Variants in SNX29 observed in about 807,000 individuals in gnomAD.
SNX29 encodes sorting nexin 29, also known as sorting nexin-29.
SNX29 carries 78 observed loss-of-function variants against 102.1 expected under a neutral mutation model. The observed-to-expected ratio is 0.76, with a 90% confidence interval of 0.64 to 0.92. SNX29 has a LOEUF of 0.92. Ranked by LOEUF, SNX29 falls within the 40% of genes least tolerant of loss-of-function variation. The probability of loss-of-function intolerance (pLI) is 0.00; values close to 1 mark genes in which losing one functional copy is unlikely to be tolerated. For missense variants in SNX29, 1,280 were observed against 1,061.7 expected, an observed-to-expected ratio of 1.21 and a Z score of -2.86; for synonymous variants, 580 against 414.5, an observed-to-expected ratio of 1.40 and a Z score of -4.85.
chr16:12,540,178 G>C (rs888011064), intron 20 of SNX29, among the ~76,000 whole-genome samples: 1 of 152,142 alleles, frequency 6.6e-6, no homozygotes, highest in Non-Finnish European at 1.5e-5. Context: ...CATTTTGAGT[G>C]GACTTTTGTG....
chr16:12,342,071 G>C (rs1160851886), intron 15 of SNX29, among the ~76,000 whole-genome samples: 2 of 152,200 alleles, frequency 1.3e-5, no homozygotes, highest in Admixed American at 6.5e-5. Context: ...GTCTTGTAAT[G>C]CTGACTGTTG....
chr16:12,158,776 C>A (rs1390398906), intron 13 of SNX29, among the ~76,000 whole-genome samples: 1 of 152,164 alleles, frequency 6.6e-6, no homozygotes, highest in African/African-American at 2.4e-5. Flanking sequence ...CAACTTTGAG[C>A]CTGTTTCCTT....
At chr16:12,443,160 T>G (rs1019357482) in intron 18 of SNX29, 1 of 392,836 alleles carries the variant, frequency 2.5e-6, no homozygotes, top group Admixed American at 3.2e-5. Context: ...CTGCGTGGGC[T>G]TTCTCTGTCA....
chr16:12,546,010 C>T (rs375463738), intron 20 of SNX29, among the ~76,000 whole-genome samples: 3 of 152,250 alleles, frequency 2.0e-5, no homozygotes, highest in East Asian at 3.9e-4. Flanking sequence ...ATGCCAAAAA[C>T]AGAAAACAAA....
At chr16:12,040,228 A>G (rs1364841264) in intron 4 of SNX29, among the ~76,000 whole-genome samples, 1 of 152,130 alleles carries the variant, frequency 6.6e-6, no homozygotes, top group Non-Finnish European at 1.5e-5. Flanking sequence ...AAAATTAAAA[A>G]GTTAGCTGGG....
In SNX29 at chr16:12,491,513, T is replaced by G. The variant is rs11866135; in HGVS notation, c.2178+13654T>G. Among the ~76,000 whole-genome samples, 163 of 127,832 alleles carry G rather than the reference T, an allele frequency of 1.3e-3. 3 individuals carry two copies. In the East Asian group the frequency reaches 0.023, roughly 18 times the overall value. The allele number at this position is 127,832 out of a possible 152,430, so 83.9% of individuals were successfully genotyped here. On this transcript the variant is annotated intron_variant, in intron 19 of 20. Coordinates refer to ENST00000566228, the MANE Select transcript of SNX29 (RefSeq NM_032167.5). Reference sequence around the variant, plus strand: ...ATCTCATTTTGTTGCTGCTGTTGTTTTTTTTTATGTGACTTATTTTTTTTT... The same window carrying G: ...ATCTCATTTTGTTGCTGCTGTTGTTGTTTTTTATGTGACTTATTTTTTTTT...
intron 13 of SNX29, among the ~76,000 whole-genome samples, chr16:12,175,692 C>A (rs571088339): frequency 6.6e-6 from 1 of 151,404 alleles, no homozygotes; most frequent in Non-Finnish European, 1.5e-5. Context: ...ACGATAGGAC[C>A]GATACCCTTA....
intron 13 of SNX29, among the ~76,000 whole-genome samples, chr16:12,155,436 C>T (rs1397859364): frequency 1.3e-5 from 2 of 152,084 alleles, no homozygotes; most frequent in African/African-American, 4.8e-5. Flanking sequence ...GAGCCAGGGA[C>T]ATGGTCATTA....
At chr16:12,100,944 C>A (rs1232594001) in intron 11 of SNX29, among the ~76,000 whole-genome samples, 2 of 152,098 alleles carry the variant, frequency 1.3e-5, no homozygotes, top group Non-Finnish European at 2.9e-5. Context: ...AGGAGGATGA[C>A]CTTTGGGTTT....
intron 15 of SNX29, among the ~76,000 whole-genome samples, chr16:12,349,842 G>A (rs1404565242): frequency 1.3e-5 from 2 of 151,978 alleles, no homozygotes; most frequent in African/African-American, 4.8e-5. Context: ...TTCAGACACA[G>A]CACTTATAGG....
rs374807311 is a variant in SNX29, at chr16:12,251,462, G to A, written c.1679-26471G>A. Among the ~76,000 whole-genome samples the A allele has an allele frequency of 1.4e-4, 22 of 152,266 alleles. 1 individual carries two copies. In the East Asian group the frequency reaches 2.5e-3, roughly 17 times the overall value. On this transcript the variant is annotated intron_variant, in intron 14 of 20. Transcript: ENST00000566228. ...TCATGCCTGTAATCCCAACACTTTG[G>A]GGGGCCAAGGTGGGTGGATCACCTG...
chr16:12,189,197 A>T (rs567568314), intron 13 of SNX29, among the ~76,000 whole-genome samples: 1 of 152,246 alleles, frequency 6.6e-6, no homozygotes, highest in Non-Finnish European at 1.5e-5. Context: ...ACAATATAAC[A>T]ATCAGAATTA....
chr16:12,243,919 T>C (rs1016990314), intron 14 of SNX29, among the ~76,000 whole-genome samples: 1 of 152,244 alleles, frequency 6.6e-6, no homozygotes, highest in East Asian at 1.9e-4. Context: ...TCAAATGTCA[T>C]GGAGTCCTTT....
intron 13 of SNX29, among the ~76,000 whole-genome samples, chr16:12,177,666 A>G (rs1001273836): frequency 6.6e-6 from 1 of 152,170 alleles, no homozygotes; most frequent in Admixed American, 6.5e-5. Flanking sequence ...CCACCCACCT[A>G]TGCAATTCAG....
intron 14 of SNX29, among the ~76,000 whole-genome samples, chr16:12,247,911 G>A (rs547082497): frequency 5.1e-4 from 77 of 152,272 alleles, no homozygotes; most frequent in African/African-American, 1.6e-3. Flanking sequence ...AAGATAATGC[G>A]TGGTGTGTTG....
intron 11 of SNX29, among the ~76,000 whole-genome samples, chr16:12,109,826 G>C (rs1035012715): frequency 1.3e-5 from 2 of 152,078 alleles, no homozygotes; most frequent in Admixed American, 1.3e-4. Flanking sequence ...CGCCTCACAG[G>C]TTCAAGCAGT....
intron 14 of SNX29, among the ~76,000 whole-genome samples, chr16:12,216,308 G>GAGC (rs1261118800): frequency 1.3e-5 from 2 of 152,198 alleles, no homozygotes; most frequent in African/African-American, 4.8e-5. Flanking sequence ...TCTGCCTGAA[G>GAGC]GGCTTTGTGA....
At chr16:12,242,754 A>G (rs2078150074) in intron 14 of SNX29, among the ~76,000 whole-genome samples, 1 of 151,496 alleles carries the variant, frequency 6.6e-6, no homozygotes, top group Non-Finnish European at 1.5e-5. Flanking sequence ...ACCAGGCTCC[A>G]GCAATCCTCC....
At chr16:12,077,550 A>C (rs575773097) in intron 10 of SNX29, among the ~76,000 whole-genome samples, 3 of 152,302 alleles carry the variant, frequency 2.0e-5, no homozygotes, top group East Asian at 3.9e-4. Context: ...GTTGTATTCT[A>C]TAAAGTTGCT....
Sources: allele counts gnomAD v4.1 joint callset (sites outside exome capture counted in the v4.1 genomes callset), GRCh38; gene constraint gnomAD v4.1.1; transcripts MANE v1.5; gene names NCBI Gene and HGNC (gene_info 2026-07-23, HGNC 2026-07-21).